The following UMAD1 variants were observed in gnomAD, a reference collection of about 807,000 sequenced individuals.
UMAD1 encodes UBAP1-MVB12-associated (UMA) domain containing 1.
UMAD1 carries 8 observed loss-of-function variants against 6.1 expected under a neutral mutation model. The ratio of observed to expected loss-of-function variants is 1.30; its 90% confidence interval spans 0.76 to 2.35. UMAD1 has a LOEUF of 2.35. Among genes scored for constraint, UMAD1 ranks in the 30% most tolerant of loss-of-function variants. The probability of loss-of-function intolerance (pLI) is 0.00; values close to 1 mark genes in which losing one functional copy is unlikely to be tolerated. For synonymous variants in UMAD1, 56 were observed against 31.4 expected, an observed-to-expected ratio of 1.78 and a Z score of -2.61; for missense variants, 130 against 78.4, an observed-to-expected ratio of 1.66 and a Z score of -2.49.
At chr7:7,785,809 CAA>C (rs922069755) in intron 2 of UMAD1, among the ~76,000 whole-genome samples, 1 of 152,026 alleles carries the variant, frequency 6.6e-6, no homozygotes, top group Non-Finnish European at 1.5e-5. Context: ...TTCCTTGACA[CAA>C]AGAGTACCTA....
intron 2 of UMAD1, among the ~76,000 whole-genome samples, chr7:7,747,615 G>A (rs1341536631): frequency 6.6e-6 from 1 of 152,166 alleles, no homozygotes; most frequent in East Asian, 1.9e-4. Context: ...AATTGAAACT[G>A]CCGAGAAGGC....
At chr7:7,698,393 A>G (rs1780368092) in intron 2 of UMAD1, among the ~76,000 whole-genome samples, 1 of 152,172 alleles carries the variant, frequency 6.6e-6, no homozygotes, top group South Asian at 2.1e-4. Context: ...CCAAACTGGT[A>G]GAAGTTTTGA....
intron 2 of UMAD1, chr7:7,736,663 C>G (rs904027767): frequency 4.0e-5 from 6 of 151,164 alleles, no homozygotes; most frequent in Admixed American, 3.9e-4. Context: ...AAGTCTGATT[C>G]TTTTCTTTAA....
At chr7:7,818,470 G>A (rs1273168686) in intron 3 of UMAD1, among the ~76,000 whole-genome samples, 14 of 152,200 alleles carry the variant, frequency 9.2e-5, no homozygotes, top group African/African-American at 2.9e-4. Context: ...ATGAGATACC[G>A]TCTCACATCA....
chr7:7,756,115 T>C (rs1476488373), intron 2 of UMAD1, among the ~76,000 whole-genome samples: 2 of 152,172 alleles, frequency 1.3e-5, no homozygotes, highest in Non-Finnish European at 2.9e-5. Flanking sequence ...GAGTAAATGC[T>C]AAAACTAGGC....
chr7:7,856,203 A>G (rs1784013647), intron 3 of UMAD1, among the ~76,000 whole-genome samples: 1 of 152,194 alleles, frequency 6.6e-6, no homozygotes. Flanking sequence ...ATGCCCCACT[A>G]CTTCAATACC....
chr7:7,860,365 G>A (rs1159988497), intron 3 of UMAD1, among the ~76,000 whole-genome samples: 1 of 151,946 alleles, frequency 6.6e-6, no homozygotes, highest in Non-Finnish European at 1.5e-5. Context: ...TCGGGCCCTT[G>A]CTAATTGTCT....
intron 2 of UMAD1, among the ~76,000 whole-genome samples, chr7:7,788,455 C>G (rs1386740206): frequency 6.6e-6 from 1 of 152,134 alleles, no homozygotes. Flanking sequence ...CACTGTCACC[C>G]AGTGCTTCTT....
intron 3 of UMAD1, among the ~76,000 whole-genome samples, chr7:7,872,118 T>A (rs1784343722): frequency 6.6e-6 from 1 of 151,392 alleles, no homozygotes. Context: ...AAAAAAGAAG[T>A]TGTGTGTTTA....
chr7:7,645,375 T>C (rs1364603768), intron 1 of UMAD1, among the ~76,000 whole-genome samples: 2 of 152,220 alleles, frequency 1.3e-5, no homozygotes, highest in African/African-American at 4.8e-5. Context: ...TTAGTACTTA[T>C]GTGGTAGTGC....
At chr7:7,658,246 T>A (rs1785391261) in intron 1 of UMAD1, among the ~76,000 whole-genome samples, 2 of 152,266 alleles carry the variant, frequency 1.3e-5, no homozygotes, top group African/African-American at 4.8e-5. Flanking sequence ...TACAATCATG[T>A]CATCTGCAAA....
intron 2 of UMAD1, among the ~76,000 whole-genome samples, chr7:7,711,946 TC>T (rs1563145206): frequency 2.0e-5 from 3 of 152,148 alleles, no homozygotes; most frequent in African/African-American, 7.2e-5. Context: ...GGTATAGCGA[TC>T]CGATTTTAAT....
intron 3 of UMAD1, among the ~76,000 whole-genome samples, chr7:7,874,940 T>C (rs1039872574): frequency 6.6e-6 from 1 of 151,960 alleles, no homozygotes; most frequent in Non-Finnish European, 1.5e-5. Context: ...CCTTATGAAG[T>C]ATTTTGTATT....
chr7:7,664,155 G>T (rs1779370788), intron 1 of UMAD1, among the ~76,000 whole-genome samples: 1 of 152,138 alleles, frequency 6.6e-6, no homozygotes, highest in Admixed American at 6.5e-5. Context: ...TGGAAAATCA[G>T]ATTGAAATGG....
chr7:7,789,185 G>A (rs926723322), intron 2 of UMAD1, among the ~76,000 whole-genome samples: 4 of 152,010 alleles, frequency 2.6e-5, no homozygotes, highest in Non-Finnish European at 5.9e-5. Context: ...TTGCTGCAAG[G>A]CATAGTAGCT....
rs1483099810 is a variant in UMAD1 at position 7,877,473 on chromosome 7, A to G, written c.349A>G (p.Ser117Gly). ...LPDHLLSYDG[S>G]ENLSRFWYDF... is the part of the protein sequence containing the mutation. ...CGACCACTTACTCTCCTATGATGGCAGCGAAAACTTATCACGGTTTTGGTA... is the reference window on the plus strand; with the variant it reads ...CGACCACTTACTCTCCTATGATGGCGGCGAAAACTTATCACGGTTTTGGTA... Residue 117 changes from serine (S) to glycine (G), a missense_variant, in exon 4 of 4, where the codon AGC becomes GGC. Ser to Gly is a moderately conservative substitution (Grantham distance 56, BLOSUM62 0). Transcript: ENST00000682710. The G allele has an allele frequency of 4.2e-6, 3 of 717,532 alleles. No individual in the cohort carries two copies. The highest frequency in any genetic ancestry group is 7.8e-6 in the Non-Finnish European group (3 of 385,136). 44.4% of individuals were successfully genotyped at this position (717,532 alleles called of 1,614,324 possible).
chr7:7,732,418 T>C (rs1230847880), intron 2 of UMAD1, among the ~76,000 whole-genome samples: 1 of 152,204 alleles, frequency 6.6e-6, no homozygotes, highest in Non-Finnish European at 1.5e-5. Context: ...AATAGATGTG[T>C]ATAACATCAT....
chr7:7,733,795 A>G (rs77860419), intron 2 of UMAD1, among the ~76,000 whole-genome samples: 6,750 of 151,760 alleles, frequency 0.044, 531 homozygotes, highest in African/African-American at 0.16. Flanking sequence ...GCTTTGAGCT[A>G]TCTTGAATCT....
chr7:7,747,938 CT>C (rs763256023), intron 2 of UMAD1, among the ~76,000 whole-genome samples: 2 of 152,072 alleles, frequency 1.3e-5, no homozygotes, highest in African/African-American at 2.4e-5. Flanking sequence ...GCATAATCAT[CT>C]AATAAAGTAT....
Sources: gnomAD v4.1 joint callset for allele counts (sites outside exome capture counted in the v4.1 genomes callset) on GRCh38, gnomAD v4.1.1 for gene constraint, MANE v1.5 for transcripts, NCBI Gene and HGNC (gene_info 2026-07-23, HGNC 2026-07-21) for gene names.